Variants in INKA2 observed in about 807,000 individuals in gnomAD.
INKA2 encodes inka box actin regulator 2, also known as PAK4-inhibitor INKA2.
Under a neutral mutation model 9.8 loss-of-function variants are expected in INKA2, and 3 were observed. The observed-to-expected ratio is 0.31, with a 90% CI of 0.14 to 0.79. INKA2 has a LOEUF of 0.79. INKA2 is among the 30% of genes least tolerant of loss of function. INKA2 has a pLI of 0.62. For synonymous variants in INKA2, 147 were observed against 143.3 expected (o/e 1.03, Z -0.18); for missense variants, 392 against 384.4 (o/e 1.02, Z -0.17).
intron 1 of INKA2, chr1:111,755,588 G>A: frequency 8.0e-7 from 1 of 1,242,966 alleles, no homozygotes; most frequent in Non-Finnish European, 1.1e-6. Flanking sequence ...GCGAGAGGGC[G>A]GTGGCGCCGG....
At chr1:111,733,260 T>G (rs1022858917) in intron 1 of INKA2, among the ~76,000 whole-genome samples, 2 of 152,242 alleles carry the variant, frequency 1.3e-5, no homozygotes, top group African/African-American at 4.8e-5. Flanking sequence ...CATAGACAGA[T>G]GGCACCTATC....
rs1283704803 is a variant in INKA2 at position 111,755,766 on chromosome 1, G to A, written n.59C>T. On this transcript the variant is annotated non_coding_transcript_exon_variant, in exon 1 of 2. Coordinates refer to the INKA2 transcript ENST00000444059. ...CTCAGGCCACATTTTTTGTGTGTCT[G>A]GGCAGTCTCTCAGCCTCCGACTCCC... The A allele has an allele frequency of 4.3e-6, 7 of 1,613,336 alleles. No individual in the cohort carries two copies. In the East Asian group the frequency reaches 1.6e-4, roughly 36 times the overall value.
In INKA2 at chr1:111,725,494, G is replaced by T. The variant is rs1397582612; in HGVS notation, c.*1474C>A. The stretch of plus-strand genomic sequence containing the variant: ...GCTTTAGAGAAGCCGGAGCTGAGCT[G>T]CTGCCTGGCCCTTCCCCCTCCGTCC... On this transcript the variant is annotated 3_prime_UTR_variant, in exon 2 of 2. Transcript: ENST00000357260. 6.6e-6 allele frequency: 1 copy of T among 152,512 alleles called. No homozygotes were observed. The highest frequency in any genetic ancestry group is 1.5e-5 in the Non-Finnish European group (1 of 68,270). 9.4% of individuals were successfully genotyped at this position (152,512 alleles called of 1,614,324 possible).
chr1:111,744,201 T>C (rs1214782224), upstream of INKA2, among the ~76,000 whole-genome samples: 1 of 152,170 alleles, frequency 6.6e-6, no homozygotes, highest in African/African-American at 2.4e-5. Context: ...GCTGAGAGGA[T>C]GAAGTGGCCT....
rs1427194625 is a variant in INKA2, at chr1:111,722,399, C to T, written c.*4569G>A. ...GGGGACTCTGGCAACTAAGACTTTA[C>T]AGAGCAGAAAGAGCAGACCAGAGGC... On this transcript the variant is annotated 3_prime_UTR_variant, in exon 2 of 2. Transcript: ENST00000357260. The T allele has an allele frequency of 2.6e-5, 4 of 152,646 alleles. No homozygotes were observed. The highest frequency in any genetic ancestry group is 9.6e-5 in the African/African-American group (4 of 41,568). The allele number at this position is 152,646 out of a possible 1,614,324, so 9.5% of individuals were successfully genotyped here.
upstream of INKA2, among the ~76,000 whole-genome samples, chr1:111,741,611 G>A (rs550652676): frequency 6.6e-6 from 1 of 152,326 alleles, no homozygotes; most frequent in South Asian, 2.1e-4. Context: ...CCACAAAAGG[G>A]TTCCCCAACT....
intron 1 of INKA2, chr1:111,755,492 G>A (rs1051178842): frequency 5.1e-6 from 3 of 587,210 alleles, no homozygotes; most frequent in Admixed American, 6.7e-5. Context: ...TGGGGAAGAG[G>A]TGGCCGCGAA....
chr1:111,755,468 G>A, intron 1 of INKA2: 3 of 565,488 alleles, frequency 5.3e-6, no homozygotes, highest in South Asian at 4.4e-5. Flanking sequence ...GTCAGGGTAC[G>A]GAGCGGGTAG....
intron 1 of INKA2, among the ~76,000 whole-genome samples, chr1:111,736,747 T>G (rs1571594898): frequency 6.6e-6 from 1 of 152,292 alleles, no homozygotes; most frequent in East Asian, 1.9e-4. Flanking sequence ...AGAAACCAAC[T>G]GTATTCCTTT....
chr1:111,726,977 A>C lies in INKA2; in HGVS notation c.885T>G (p.Val295=), dbSNP rs1288422979. 1 of 1,612,844 alleles carries C rather than the reference A, an allele frequency of 6.2e-7. No individual in the cohort carries two copies. The highest frequency in any genetic ancestry group is 1.7e-5 in the Admixed American group (1 of 59,888). ...SPSGFDINTA[V]WV Reference sequence around the variant, plus strand: ...TTTCTGTCTCTAGGATTCAGACCCAAACAGCTGTGTTAATATCAAATCCTG... The same window carrying C: ...TTTCTGTCTCTAGGATTCAGACCCACACAGCTGTGTTAATATCAAATCCTG... The change falls in exon 2 of 2, where the codon GTT becomes GTG. Residue 295 remains valine (V), a synonymous_variant. Coordinates refer to ENST00000357260, the MANE Select transcript of INKA2 (RefSeq NM_019099.5).
intron 1 of INKA2, among the ~76,000 whole-genome samples, chr1:111,730,619 C>T (rs1384977994): frequency 4.6e-5 from 7 of 152,146 alleles, no homozygotes; most frequent in African/African-American, 1.7e-4. Flanking sequence ...AATATCCCTA[C>T]TCCCTGAGAC....
At position 111,726,740 on chromosome 1, in the gene INKA2, A is replaced by T; in HGVS notation, c.*228T>A. The T allele has an allele frequency of 1.7e-6, 1 of 584,920 alleles. No homozygotes were observed. Among genetic ancestry groups the T allele is most frequent in the Middle Eastern group, 4.6e-4 (1 of 2,178 alleles). The allele number at this position is 584,920 out of a possible 1,614,324, so 36.2% of individuals were successfully genotyped here. A position where few individuals can be genotyped will look rare whatever the true frequency, so the allele number is the denominator to read the frequency against. ...ACACACACACACACACGCACAGCTCACTCTCCAGCTACTCTTACCTCCTCC... is the reference window on the plus strand; with the variant it reads ...ACACACACACACACACGCACAGCTCTCTCTCCAGCTACTCTTACCTCCTCC... On this transcript the variant is annotated 3_prime_UTR_variant, in exon 2 of 2. Transcript: ENST00000357260.
upstream of INKA2, among the ~76,000 whole-genome samples, chr1:111,740,597 C>T (rs986460487): frequency 1.3e-5 from 2 of 151,874 alleles, no homozygotes; most frequent in Non-Finnish European, 2.9e-5. Context: ...CTGAGTGGGA[C>T]AACTGTAAGA....
chr1:111,728,331 A>G (rs1372099257), intron 1 of INKA2, among the ~76,000 whole-genome samples: 1 of 152,164 alleles, frequency 6.6e-6, no homozygotes, highest in African/African-American at 2.4e-5. Context: ...TAAGGACTCT[A>G]TGTGCTTCAT....
Position 111,725,980 on chromosome 1 carries a change from G to T in INKA2, c.*988C>A. 1 of 395,814 alleles carries T rather than the reference G, an allele frequency of 2.5e-6. No homozygotes were observed. The highest frequency in any genetic ancestry group is 4.5e-6 in the Non-Finnish European group (1 of 224,388). 24.5% of individuals were successfully genotyped at this position (395,814 alleles called of 1,614,324 possible). On this transcript the variant is annotated 3_prime_UTR_variant, in exon 2 of 2. Coordinates refer to ENST00000357260, the MANE Select transcript of INKA2 (RefSeq NM_019099.5). ...ATGAACTCCTGACCCCAGGTAATCCGCCTGCCTTGCCCTCCCAAAGTGCTG... is the reference window on the plus strand; with the variant it reads ...ATGAACTCCTGACCCCAGGTAATCCTCCTGCCTTGCCCTCCCAAAGTGCTG...
At chr1:111,742,483 G>C (rs1571598925), upstream of INKA2, among the ~76,000 whole-genome samples, 1 of 152,224 alleles carries the variant, frequency 6.6e-6, no homozygotes, top group South Asian at 2.1e-4. Flanking sequence ...CACTCAGGAG[G>C]CTGAGGCAGT....
At chr1:111,755,015 A>G (rs1327995972) in intron 1 of INKA2, 1 of 152,432 alleles carries the variant, frequency 6.6e-6, no homozygotes, top group Admixed American at 6.6e-5. Context: ...AGAAGACCAC[A>G]GCAAGGAAAA....
chr1:111,736,038 A>C (rs886514968), intron 1 of INKA2, among the ~76,000 whole-genome samples: 1 of 151,844 alleles, frequency 6.6e-6, no homozygotes, highest in Non-Finnish European at 1.5e-5. Flanking sequence ...GCCTGTGTCT[A>C]CCCCCACTTA....
At position 111,724,493 on chromosome 1, in the gene INKA2, A is replaced by G. The variant is rs1662721706; in HGVS notation, c.*2475T>C. ...ATGCTAGATGGCTTCTCCACCAGCCAGTGTCCCACGACTTCCTCCGCTCAT... is the reference window on the plus strand; with the variant it reads ...ATGCTAGATGGCTTCTCCACCAGCCGGTGTCCCACGACTTCCTCCGCTCAT... On this transcript the variant is annotated 3_prime_UTR_variant, in exon 2 of 2. Coordinates refer to ENST00000357260, the MANE Select transcript of INKA2 (RefSeq NM_019099.5). The G allele has an allele frequency of 6.6e-6, 1 of 152,280 alleles. No homozygotes were observed. The highest frequency in any genetic ancestry group is 2.1e-4 in the South Asian group (1 of 4,828). 9.4% of individuals were successfully genotyped at this position (152,280 alleles called of 1,614,324 possible).
Sources: allele counts gnomAD v4.1 joint callset (sites outside exome capture counted in the v4.1 genomes callset), GRCh38; gene constraint gnomAD v4.1.1; transcripts MANE v1.5; gene names NCBI Gene and HGNC (gene_info 2026-07-23, HGNC 2026-07-21).